Variants in COPS4 observed in about 807,000 individuals in gnomAD.
COPS4 encodes COP9 signalosome subunit 4.
A neutral mutation model predicts 55.1 loss-of-function variants in COPS4; 8 were observed. That is an observed-to-expected ratio of 0.15 (90% CI 0.09 to 0.26). The LOEUF (loss-of-function observed/expected upper bound fraction) is 0.26, where lower values mean the gene tolerates loss of function less well. COPS4 is among the 10% of genes least tolerant of loss of function. The pLI is 1.00. For missense variants in COPS4, 248 were observed against 484.0 expected (o/e 0.51, Z 4.58); for synonymous variants, 185 against 165.7 (o/e 1.12, Z -0.90).
intron 1 of COPS4, 136 bp downstream of exon 1, chr4:83,035,434 G>C (rs1730393423): frequency 3.4e-6 from 2 of 594,070 alleles, no homozygotes; most frequent in Non-Finnish European, 5.7e-6. Flanking sequence ...GCCTGAGGTC[G>C]GCTGGGGAGG....
intron 4 of COPS4, among the ~76,000 whole-genome samples, chr4:83,056,274 G>A (rs1009553527): frequency 4.6e-5 from 7 of 151,990 alleles, no homozygotes; most frequent in Non-Finnish European, 8.8e-5. Flanking sequence ...TGGGTTAAGG[G>A]TATATGCATT....
chr4:83,055,952 G>A (rs1293074930), intron 4 of COPS4, among the ~76,000 whole-genome samples: 1 of 127,136 alleles, frequency 7.9e-6, no homozygotes, highest in Admixed American at 9.3e-5. Context: ...TTTTTGAGAC[G>A]AAGTCTCACT....
chr4:83,038,021 G>A (rs556754941), intron 1 of COPS4, among the ~76,000 whole-genome samples: 4 of 152,216 alleles, frequency 2.6e-5, no homozygotes, highest in African/African-American at 7.2e-5. Context: ...CAGAGGAAAA[G>A]CATTTCCTCC....
At chr4:83,074,174 A>C (rs1344728828) in intron 9 of COPS4, among the ~76,000 whole-genome samples, 1 of 152,202 alleles carries the variant, frequency 6.6e-6, no homozygotes, top group Admixed American at 6.5e-5. Context: ...TTGAATGTGT[A>C]AACAGACTTG....
At chr4:83,073,951 C>T (rs1241013384) in intron 9 of COPS4, among the ~76,000 whole-genome samples, 4 of 96,986 alleles carry the variant, frequency 4.1e-5, no homozygotes, top group Admixed American at 1.2e-4. Flanking sequence ...AGTGAGACTC[C>T]GTCTCAAAAA....
intron 1 of COPS4, among the ~76,000 whole-genome samples, chr4:83,044,290 C>G (rs1288926641): frequency 6.7e-6 from 1 of 150,088 alleles, no homozygotes; most frequent in Non-Finnish European, 1.5e-5. Flanking sequence ...ACCAAAAATA[C>G]AAAAATTAGC....
chr4:83,048,215 A>G (rs1730770729), intron 2 of COPS4, among the ~76,000 whole-genome samples: 1 of 152,236 alleles, frequency 6.6e-6, no homozygotes, highest in Non-Finnish European at 1.5e-5. Flanking sequence ...AGAAGCACAG[A>G]GAAGCATAGA....
rs575670269 is a variant in COPS4 at position 83,059,689 on chromosome 4, G to GT, written c.715+2292dup. Among the ~76,000 whole-genome samples, 1,298 of 142,194 alleles carry GT rather than the reference G, an allele frequency of 9.1e-3. 10 individuals carry two copies. The highest frequency in any genetic ancestry group is 0.024 in the African/African-American group (943 of 39,092). 93.3% of individuals were successfully genotyped at this position (142,194 alleles called of 152,430 possible). A position where few individuals can be genotyped will look rare whatever the true frequency, so the allele number is the denominator to read the frequency against. ...AGGAAACAGCTCAATTCTTCTTTTT[G>GT]TTTTTTTTTTTGTTTGTTTGTTTTT... On this transcript the variant is annotated intron_variant, in intron 6 of 9. Transcript: ENST00000264389.
At chr4:83,060,444 G>A (rs1034975817) in intron 6 of COPS4, among the ~76,000 whole-genome samples, 18 of 151,252 alleles carry the variant, frequency 1.2e-4, no homozygotes, top group African/African-American at 4.4e-4. Flanking sequence ...CGCCTCCCAG[G>A]TTCAGCCATT....
At chr4:83,065,184 GA>G in intron 7 of COPS4, 1 of 464,356 alleles carries the variant, frequency 2.2e-6, no homozygotes, top group Non-Finnish European at 3.8e-6. Context: ...CTGCTTTTTT[GA>G]ACATATTAAA....
chr4:83,065,791 A>C (rs1731278889), intron 7 of COPS4, among the ~76,000 whole-genome samples: 1 of 152,254 alleles, frequency 6.6e-6, no homozygotes, highest in Non-Finnish European at 1.5e-5. Flanking sequence ...AGATCACTTT[A>C]TCAAGCTTGC....
intron 1 of COPS4, among the ~76,000 whole-genome samples, chr4:83,039,529 T>C (rs1730506579): frequency 6.6e-6 from 1 of 152,212 alleles, no homozygotes; most frequent in Non-Finnish European, 1.5e-5. Flanking sequence ...ATTGTGGCCG[T>C]TTTTTGTAAG....
intron 4 of COPS4, 98 bp from the exon 5 acceptor site, chr4:83,056,828 C>A: frequency 1.9e-6 from 2 of 1,040,222 alleles, no homozygotes; most frequent in Non-Finnish European, 2.8e-6. Context: ...CTTACGGTAC[C>A]AGAATATATA....
At chr4:83,038,002 G>A (rs1730469870) in intron 1 of COPS4, among the ~76,000 whole-genome samples, 1 of 152,214 alleles carries the variant, frequency 6.6e-6, no homozygotes, top group South Asian at 2.1e-4. Flanking sequence ...GTTTATATAA[G>A]AAATTAGCCA....
At chr4:83,074,254 T>C (rs1415336490) in intron 9 of COPS4, among the ~76,000 whole-genome samples, 1 of 152,078 alleles carries the variant, frequency 6.6e-6, no homozygotes, top group East Asian at 1.9e-4. Context: ...CCTCAGTCTT[T>C]TTTTGTTGTG....
At chr4:83,044,444 CAAAA>C (rs35654094) in intron 1 of COPS4, among the ~76,000 whole-genome samples, 2 of 59,946 alleles carry the variant, frequency 3.3e-5, no homozygotes, top group Admixed American at 2.1e-4. Flanking sequence ...GACTCCATCT[CAAAA>C]AAAAAAAAAA....
At chr4:83,068,292 T>C (rs1731337860) in intron 8 of COPS4, 146 bp from the exon 9 acceptor site, 1 of 598,232 alleles carries the variant, frequency 1.7e-6, no homozygotes, top group Admixed American at 3.3e-5. Flanking sequence ...TAGCCAGATT[T>C]ACAAGATTTA....
intron 4 of COPS4, 36 bp downstream of exon 4, chr4:83,050,020 AGGATG>A: frequency 6.5e-6 from 8 of 1,229,370 alleles, no homozygotes; most frequent in Non-Finnish European, 9.4e-6. Flanking sequence ...GACTATATAT[AGGATG>A]TATATAATTG....
At chr4:83,068,556 A>G (rs1560444148) in intron 9 of COPS4, 34 bp downstream of exon 9, 3 of 1,307,168 alleles carry the variant, frequency 2.3e-6, no homozygotes, top group Non-Finnish European at 3.3e-6. Context: ...TCATAATGAA[A>G]TAGCAGTGAA....
Sources: gnomAD v4.1 joint callset for allele counts (sites outside exome capture counted in the v4.1 genomes callset) on GRCh38, gnomAD v4.1.1 for gene constraint, MANE v1.5 for transcripts, NCBI Gene and HGNC (gene_info 2026-07-23, HGNC 2026-07-21) for gene names.